The following OSBPL8 variants were observed in gnomAD, a reference collection of about 807,000 sequenced individuals.
OSBPL8 encodes oxysterol-binding protein-related protein 8.
In OSBPL8, 59 loss-of-function variants were observed where a neutral mutation model predicts 125.5. The observed-to-expected ratio is 0.47, with a 90% CI of 0.38 to 0.58. The LOEUF (loss-of-function observed/expected upper bound fraction) is 0.58, where lower values mean the gene tolerates loss of function less well. Ranked by LOEUF, OSBPL8 falls within the 20% of genes least tolerant of loss-of-function variation. The pLI, the probability that OSBPL8 is intolerant of heterozygous loss-of-function variation, is 0.00. For synonymous variants in OSBPL8, 330 were observed against 338.9 expected (o/e 0.97, Z 0.29); for missense variants, 758 against 1,047.8 (o/e 0.72, Z 3.82).
intron 22 of OSBPL8, among the ~76,000 whole-genome samples, chr12:76,358,122 A>T (rs1400856719): frequency 1.3e-5 from 2 of 151,656 alleles, no homozygotes; most frequent in Non-Finnish European, 2.9e-5. Context: ...AACCATCAGC[A>T]ATTTTTCAGA....
intron 1 of OSBPL8, among the ~76,000 whole-genome samples, chr12:76,501,260 T>C (rs921075683): frequency 6.6e-6 from 1 of 152,192 alleles, no homozygotes; most frequent in Non-Finnish European, 1.5e-5. Context: ...TCCTTCCCAA[T>C]ACAATTTTCA....
chr12:76,444,722 A>G (rs1259223372), intron 4 of OSBPL8, among the ~76,000 whole-genome samples: 1 of 152,168 alleles, frequency 6.6e-6, no homozygotes, highest in African/African-American at 2.4e-5. Context: ...ACACACTTGG[A>G]GAGCTTTATA....
intron 1 of OSBPL8, among the ~76,000 whole-genome samples, chr12:76,535,233 CAG>C (rs1490932341): frequency 1.3e-5 from 2 of 151,986 alleles, no homozygotes; most frequent in Middle Eastern, 3.4e-3. Flanking sequence ...ACAAATGACT[CAG>C]ATTCTGACTA....
At chr12:76,509,262 C>G (rs1254019294) in intron 1 of OSBPL8, among the ~76,000 whole-genome samples, 1 of 152,096 alleles carries the variant, frequency 6.6e-6, no homozygotes, top group Non-Finnish European at 1.5e-5. Context: ...GGCTACACCA[C>G]CTAGGTTTGT....
intron 2 of OSBPL8, among the ~76,000 whole-genome samples, chr12:76,482,608 C>T (rs940128166): frequency 3.4e-5 from 5 of 145,682 alleles, no homozygotes; most frequent in Non-Finnish European, 7.7e-5. Flanking sequence ...AGCGAAACTC[C>T]GTTTCAAAAA....
At chr12:76,491,616 A>T (rs991444219) in intron 1 of OSBPL8, among the ~76,000 whole-genome samples, 6 of 152,134 alleles carry the variant, frequency 3.9e-5, no homozygotes, top group Admixed American at 2.0e-4. Context: ...TATGGTAATT[A>T]TTTGTTCCCA....
intron 1 of OSBPL8, among the ~76,000 whole-genome samples, chr12:76,550,800 A>G (rs764196813): frequency 5.3e-5 from 8 of 152,208 alleles, no homozygotes; most frequent in Non-Finnish European, 1.2e-4. Flanking sequence ...TGATAAAGAG[A>G]AAGGTGAATC....
chr12:76,532,296 A>G (rs1950363555), intron 1 of OSBPL8, among the ~76,000 whole-genome samples: 1 of 152,122 alleles, frequency 6.6e-6, no homozygotes. Flanking sequence ...ATAGTGAAAA[A>G]AAATCACTAT....
intron 17 of OSBPL8, 122 bp from the exon 18 acceptor site, chr12:76,373,555 C>T: frequency 5.9e-6 from 3 of 508,168 alleles, no homozygotes; most frequent in Non-Finnish European, 9.9e-6. Flanking sequence ...AATGCACAAG[C>T]AGTAAAAAAA....
chr12:76,440,617 C>A (rs1872075175), intron 4 of OSBPL8, among the ~76,000 whole-genome samples: 1 of 152,062 alleles, frequency 6.6e-6, no homozygotes, highest in Non-Finnish European at 1.5e-5. Context: ...TTTAGAATTT[C>A]TCAAGGAAGA....
At chr12:76,506,939 A>G (rs1880477431) in intron 1 of OSBPL8, among the ~76,000 whole-genome samples, 1 of 148,818 alleles carries the variant, frequency 6.7e-6, no homozygotes, top group Non-Finnish European at 1.5e-5. Flanking sequence ...GAAGAAAGGT[A>G]GTCTTCTCTG....
chr12:76,546,340 T>A (rs187945438), intron 1 of OSBPL8, among the ~76,000 whole-genome samples: 1 of 152,278 alleles, frequency 6.6e-6, no homozygotes, highest in East Asian at 1.9e-4. Flanking sequence ...GGATCTCTGT[T>A]TTTACAGAGA....
At chr12:76,448,752 C>T (rs1873017158) in intron 4 of OSBPL8, among the ~76,000 whole-genome samples, 1 of 152,132 alleles carries the variant, frequency 6.6e-6, no homozygotes, top group South Asian at 2.1e-4. Flanking sequence ...CGGTGGCTCA[C>T]GCCTGTAATC....
At chr12:76,470,167 T>C (rs923464552) in intron 2 of OSBPL8, among the ~76,000 whole-genome samples, 4 of 152,218 alleles carry the variant, frequency 2.6e-5, no homozygotes, top group African/African-American at 9.6e-5. Flanking sequence ...AAGCTCAAAA[T>C]TAACCAATAT....
intron 1 of OSBPL8, among the ~76,000 whole-genome samples, chr12:76,549,824 C>T (rs1273040765): frequency 1.3e-5 from 2 of 151,900 alleles, no homozygotes; most frequent in Non-Finnish European, 1.5e-5. Flanking sequence ...AGAATGGAGA[C>T]TTTTTTACAC....
At chr12:76,444,460 T>A (rs1437090542) in intron 4 of OSBPL8, among the ~76,000 whole-genome samples, 2 of 152,186 alleles carry the variant, frequency 1.3e-5, no homozygotes, top group African/African-American at 4.8e-5. Context: ...TGAGAAGTAT[T>A]TGGATAAGCA....
intron 1 of OSBPL8, among the ~76,000 whole-genome samples, chr12:76,508,574 G>C (rs34185305): frequency 6.6e-6 from 1 of 152,062 alleles, no homozygotes; most frequent in East Asian, 1.9e-4. Context: ...TGAGATAGGA[G>C]GTCTGCACAA....
intron 9 of OSBPL8, among the ~76,000 whole-genome samples, chr12:76,393,506 C>A (rs527964842): frequency 3.9e-4 from 54 of 139,420 alleles, no homozygotes; most frequent in Non-Finnish European, 7.5e-4. Flanking sequence ...GTCAGGAGAT[C>A]GAGACCATCC....
chr12:76,438,091 A>G (rs1021398706), intron 4 of OSBPL8, among the ~76,000 whole-genome samples: 3 of 151,380 alleles, frequency 2.0e-5, no homozygotes, highest in African/African-American at 7.3e-5. Context: ...GGTTCACGCT[A>G]TTCTCCTGCC....
Sources: allele counts gnomAD v4.1 joint callset (sites outside exome capture counted in the v4.1 genomes callset), GRCh38; gene constraint gnomAD v4.1.1; transcripts MANE v1.5; gene names NCBI Gene and HGNC (gene_info 2026-07-23, HGNC 2026-07-21).